Variants in ABLIM2 observed in about 807,000 individuals in gnomAD.
ABLIM2 encodes the protein actin binding LIM protein family member 2, also known as actin-binding LIM protein 2.
ABLIM2 carries 53 observed loss-of-function variants against 97.7 expected under a neutral mutation model. The ratio of observed to expected loss-of-function variants is 0.54; its 90% CI spans 0.44 to 0.68. The LOEUF (loss-of-function observed/expected upper bound fraction) is 0.68. Among genes scored for constraint, ABLIM2 ranks in the 30% least tolerant of loss-of-function variants. The pLI, the probability that ABLIM2 is intolerant of heterozygous loss-of-function variation, is 0.00. For synonymous variants in ABLIM2, 361 were observed against 345.8 expected (o/e 1.04, Z -0.49); for missense variants, 835 against 867.2 (o/e 0.96, Z 0.47).
Position 8,023,430 on chromosome 4 carries a change from C to T in ABLIM2, c.1268-3127G>A, listed in dbSNP as rs921034771. Among the ~76,000 whole-genome samples the T allele has an allele frequency of 2.0e-5, 3 of 152,340 alleles. No homozygotes were observed. The highest frequency in any genetic ancestry group is 1.9e-4 in the East Asian group (1 of 5,174). ...GTTTTTGCCTGATGTTTTCTCATGG[C>T]GATACTGGGCTTATGGGGTTGAGAA... On this transcript the variant is annotated intron_variant, in intron 12 of 20. Coordinates refer to ENST00000447017, the MANE Select transcript of ABLIM2 (RefSeq NM_001130083.2). The surrounding 1 kb of genome is among the most constrained non-coding windows in gnomAD (Gnocchi z 5.7).
In ABLIM2 at chr4:8,156,138, T is replaced by C. The variant is rs944949293; in HGVS notation, c.10+2542A>G. Among the ~76,000 whole-genome samples, 8 of 152,266 alleles carry C rather than the reference T, an allele frequency of 5.3e-5. No homozygotes were observed. The East Asian group carries it at 1.5e-3, about 29-fold the overall frequency. On this transcript the variant is annotated intron_variant, in intron 1 of 20. Coordinates refer to ENST00000447017, the MANE Select transcript of ABLIM2 (RefSeq NM_001130083.2). ...TTTAGGCTCAGAAGGAGCACAGGCC[T>C]TGCTCAAGGATCTGGTGCCCACTGG... is the stretch of plus-strand genomic sequence containing the variant.
rs1222619160 is a variant in ABLIM2, at chr4:8,128,098, C to T, written c.11-21461G>A. The stretch of plus-strand genomic sequence containing the variant: ...GGGGTATAGGGAGCTCAGGCTGCCT[C>T]TTCCCGCTGCTGGTGGCTCCAGGCG... On this transcript the variant is annotated intron_variant, in intron 1 of 20. Coordinates refer to ENST00000447017, the MANE Select transcript of ABLIM2 (RefSeq NM_001130083.2). This position sits in a 1 kb window ranked among gnomAD's most constrained non-coding sequence, Gnocchi z 4.9. Among the ~76,000 whole-genome samples, 2 of 152,232 alleles carry T rather than the reference C, an allele frequency of 1.3e-5. No individual in the cohort carries two copies. Among genetic ancestry groups the T allele is most frequent in the Non-Finnish European group, 2.9e-5 (2 of 68,042 alleles).
intron 7 of ABLIM2, among the ~76,000 whole-genome samples, chr4:8,059,492 C>T (rs2076769): frequency 0.35 from 53,740 of 151,896 alleles, 11,082 homozygotes; most frequent in East Asian, 0.83. Context: ...AGCACTCCTC[C>T]CCCTTGCCTA....
chr4:8,028,613 C>T (rs965197610), intron 11 of ABLIM2, among the ~76,000 whole-genome samples: 1 of 151,922 alleles, frequency 6.6e-6, no homozygotes, highest in Non-Finnish European at 1.5e-5. Flanking sequence ...TCACTCATTC[C>T]CTTACTTGCT....
rs1034605799 is a variant in ABLIM2, at chr4:7,970,874, G to A, written c.1825-3771C>T. ...GCATGTGGGCTGGGCCAGGCCACTC[G>A]TATGTGGCCTACAGGGCCCAGGACT... On this transcript the variant is annotated intron_variant, in intron 20 of 20. Transcript: ENST00000447017. The surrounding 1 kb of genome is among the most constrained non-coding windows in gnomAD (Gnocchi z 5.3). 1.3e-5 allele frequency among the ~76,000 whole-genome samples: 2 copies of A among 152,028 alleles called. No homozygotes were observed. The highest frequency in any genetic ancestry group is 1.9e-4 in the East Asian group (1 of 5,142).
Position 7,992,070 on chromosome 4 carries a change from G to T in ABLIM2, c.1680+796C>A, listed in dbSNP as rs1749249099. 6.6e-6 allele frequency among the ~76,000 whole-genome samples: 1 copy of T among 152,110 alleles called. No individual in the cohort carries two copies. The highest frequency in any genetic ancestry group is 1.5e-5 in the Non-Finnish European group (1 of 68,000). Reference sequence around the variant, plus strand: ...TGCCTTGCGCAATGGGGAGACCCCTGGGCTGTGTGTGTGTGTCTGTGTGTT... The same window carrying T: ...TGCCTTGCGCAATGGGGAGACCCCTTGGCTGTGTGTGTGTGTCTGTGTGTT... On this transcript the variant is annotated intron_variant, in intron 17 of 20. Transcript: ENST00000447017. This position sits in a 1 kb window ranked among gnomAD's most constrained non-coding sequence, Gnocchi z 5.7.
intron 1 of ABLIM2, among the ~76,000 whole-genome samples, chr4:8,131,718 G>GAGCACAGCATCCCGCATCCCC (rs1849427143): frequency 4.1e-5 from 2 of 48,396 alleles, no homozygotes; most frequent in Non-Finnish European, 7.7e-5. Context: ...CCGCATCCCT[G>GAGCACAGCATCCCGCATCCCC]AGCACAGCAG....
intron 17 of ABLIM2, among the ~76,000 whole-genome samples, chr4:7,990,796 AT>A (rs1748094475): frequency 6.6e-6 from 1 of 152,214 alleles, no homozygotes; most frequent in South Asian, 2.1e-4. Flanking sequence ...AAGATCAAGT[AT>A]CTGGCCTTCT....
chr4:8,000,264 T>C (rs1029763882), intron 16 of ABLIM2, among the ~76,000 whole-genome samples: 1 of 152,082 alleles, frequency 6.6e-6, no homozygotes, highest in African/African-American at 2.4e-5. Context: ...GGGCTTGCCA[T>C]GGCCTGGCTT....
chr4:8,030,113 C>T (rs1190378953), intron 10 of ABLIM2, among the ~76,000 whole-genome samples: 1 of 152,196 alleles, frequency 6.6e-6, no homozygotes, highest in African/African-American at 2.4e-5. Flanking sequence ...CGCCAGCGCC[C>T]AGCTCTTAGA....
Position 8,125,307 on chromosome 4 carries a change from C to T in ABLIM2, c.11-18670G>A, listed in dbSNP as rs187540369. ...CGCCTGATCCACCGTCATGAAGATG[C>T]GCTTCTGAGTGTTCTTCTAAGAGAT... On this transcript the variant is annotated intron_variant, in intron 1 of 20. Transcript: ENST00000447017. The surrounding 1 kb of genome is among the most constrained non-coding windows in gnomAD (Gnocchi z 6.2). 1.8e-3 allele frequency among the ~76,000 whole-genome samples: 271 copies of T among 152,266 alleles called. 1 individual carries two copies. Among genetic ancestry groups the T allele is most frequent in the Middle Eastern group, 0.01 (3 of 294 alleles).
intron 6 of ABLIM2, among the ~76,000 whole-genome samples, chr4:8,064,842 A>G (rs1410259263): frequency 3.9e-5 from 6 of 152,152 alleles, no homozygotes; most frequent in Admixed American, 2.6e-4. Context: ...CCAGTTTGTA[A>G]AAATGTACCA....
In ABLIM2 at chr4:7,992,720, C is replaced by T; in HGVS notation, c.1680+146G>A. The T allele has an allele frequency of 9.6e-6, 8 of 834,274 alleles. No individual in the cohort carries two copies. The South Asian group carries it at 1.3e-4, about 13-fold the overall frequency. 51.7% of individuals were successfully genotyped at this position (834,274 alleles called of 1,614,324 possible). On this transcript the variant is annotated intron_variant, in intron 17 of 20. Coordinates refer to ENST00000447017, the MANE Select transcript of ABLIM2 (RefSeq NM_001130083.2). The surrounding 1 kb of genome is among the most constrained non-coding windows in gnomAD (Gnocchi z 5.7). The stretch of plus-strand genomic sequence containing the variant: ...AAAAGCAGTGGTGGCAGTGGCAGCC[C>T]CTGGGAAGGGCATCAGGCAGAGGCA...
chr4:8,143,271 C>G (rs1222024495), intron 1 of ABLIM2, among the ~76,000 whole-genome samples: 2 of 152,088 alleles, frequency 1.3e-5, no homozygotes, highest in Non-Finnish European at 2.9e-5. Context: ...GTCTCCACCC[C>G]TCTAAGGAAG....
At position 8,121,401 on chromosome 4, in the gene ABLIM2, C is replaced by G. The variant is rs565135480; in HGVS notation, c.11-14764G>C. On this transcript the variant is annotated intron_variant, in intron 1 of 20. Coordinates refer to ENST00000447017, the MANE Select transcript of ABLIM2 (RefSeq NM_001130083.2). Reference sequence around the variant, plus strand: ...GTCGCTGGCCCAGGCGCCCCCGGCACCCACATTCCTGGAGGGTGTTATTCC... The same window carrying G: ...GTCGCTGGCCCAGGCGCCCCCGGCAGCCACATTCCTGGAGGGTGTTATTCC... 2.6e-3 allele frequency among the ~76,000 whole-genome samples: 392 copies of G among 152,350 alleles called. 2 individuals are homozygous for G. Among genetic ancestry groups the G allele is most frequent in the African/African-American group, 9.3e-3 (385 of 41,578 alleles).
chr4:7,976,838 CACACACATAT>C (rs893082692), intron 20 of ABLIM2, among the ~76,000 whole-genome samples: 3 of 152,228 alleles, frequency 2.0e-5, no homozygotes, highest in East Asian at 3.9e-4. Context: ...TACACACATG[CACACACATAT>C]ACACACATAC....
intron 12 of ABLIM2, among the ~76,000 whole-genome samples, chr4:8,024,262 C>G (rs1045085326): frequency 3.3e-5 from 5 of 152,192 alleles, no homozygotes; most frequent in African/African-American, 1.2e-4. Context: ...TCCCAGCCTG[C>G]ACTTCCTGCC....
chr4:8,110,905 T>C (rs1006559069), intron 1 of ABLIM2, among the ~76,000 whole-genome samples: 3 of 152,034 alleles, frequency 2.0e-5, no homozygotes, highest in African/African-American at 7.2e-5. Flanking sequence ...GGAACACAGG[T>C]AGGTAAGTGG....
At chr4:8,018,081 A>C (rs981935648) in intron 14 of ABLIM2, among the ~76,000 whole-genome samples, 1 of 152,078 alleles carries the variant, frequency 6.6e-6, no homozygotes, top group African/African-American at 2.4e-5. Context: ...ACTGAGGTCG[A>C]AACTCTTTGT....
Sources: gnomAD v4.1 joint callset for allele counts (sites outside exome capture counted in the v4.1 genomes callset) on GRCh38, gnomAD v4.1.1 for gene constraint, Gnocchi (gnomAD v3.1) non-coding constraint, MANE v1.5 for transcripts, NCBI Gene and HGNC (gene_info 2026-07-23, HGNC 2026-07-21) for gene names.